Variants in STX17 observed in about 807,000 individuals in gnomAD.
STX17 encodes syntaxin 17, also known as syntaxin-17.
In STX17, 29 loss-of-function variants were observed where a neutral mutation model predicts 35.9. The observed-to-expected ratio is 0.81, with a 90% CI of 0.60 to 1.10. The LOEUF (loss-of-function observed/expected upper bound fraction) is 1.10. Ranked by LOEUF, STX17 falls within the 50% of genes least tolerant of loss-of-function variation. The pLI, the probability that STX17 is intolerant of heterozygous loss-of-function variation, is 0.00. For missense variants in STX17, 312 were observed against 352.3 expected (o/e 0.89, Z 0.92); for synonymous variants, 92 against 118.3 (o/e 0.78, Z 1.44).
intron 6 of STX17, among the ~76,000 whole-genome samples, chr9:99,961,895 G>T (rs973674623): frequency 4.6e-5 from 7 of 152,074 alleles, no homozygotes; most frequent in Admixed American, 6.5e-5. Context: ...TATTGCATTT[G>T]GAGGGTCTAA....
At chr9:99,952,956 A>T (rs1409878204) in intron 4 of STX17, among the ~76,000 whole-genome samples, 1 of 152,056 alleles carries the variant, frequency 6.6e-6, no homozygotes, top group Non-Finnish European at 1.5e-5. Flanking sequence ...GCAGCACACC[A>T]GCATGGCACA....
At chr9:99,967,526 A>T in intron 6 of STX17, 127 bp from the exon 7 acceptor site, 1 of 522,736 alleles carries the variant, frequency 1.9e-6, no homozygotes, top group Non-Finnish European at 3.3e-6. Context: ...AGATGCTATT[A>T]ATGAACCACT....
At chr9:99,953,986 C>G (rs1003481427) in intron 4 of STX17, 1 of 151,930 alleles carries the variant, frequency 6.6e-6, no homozygotes, top group Non-Finnish European at 1.5e-5. Context: ...AATTAACTTT[C>G]TCCATAGGAA....
At chr9:99,958,143 C>G (rs1829751470) in intron 4 of STX17, among the ~76,000 whole-genome samples, 1 of 152,158 alleles carries the variant, frequency 6.6e-6, no homozygotes, top group African/African-American at 2.4e-5. Flanking sequence ...TCACAGTCAG[C>G]TATACTGAAC....
At chr9:99,966,689 T>G (rs1309962214) in intron 6 of STX17, among the ~76,000 whole-genome samples, 1 of 152,238 alleles carries the variant, frequency 6.6e-6, no homozygotes, top group Admixed American at 6.5e-5. Flanking sequence ...GTTTATACAT[T>G]TGTGATAGTT....
At chr9:99,930,164 G>A (rs970566393) in intron 3 of STX17, among the ~76,000 whole-genome samples, 1 of 151,926 alleles carries the variant, frequency 6.6e-6, no homozygotes, top group Non-Finnish European at 1.5e-5. Flanking sequence ...GCCTGCCTTG[G>A]CCTCCCATAG....
At chr9:99,925,307 C>T (rs900537670) in intron 2 of STX17, among the ~76,000 whole-genome samples, 1 of 152,050 alleles carries the variant, frequency 6.6e-6, no homozygotes, top group Non-Finnish European at 1.5e-5. Context: ...GGTTGCTATA[C>T]ATTTTACTTC....
intron 4 of STX17, chr9:99,953,900 C>T (rs547229303): frequency 7.4e-4 from 113 of 152,066 alleles, no homozygotes; most frequent in African/African-American, 2.5e-3. Flanking sequence ...GGATCAACAA[C>T]TTTGGGCTTA....
chr9:99,940,770 C>T lies in STX17; in HGVS notation c.190-10290C>T, dbSNP rs531276401. ...TGCCGGGATTACAGGCGTGAGCCAC[C>T]GCACCCGGCCTAGAATTTTACTTTT... is the stretch of plus-strand genomic sequence containing the variant. On this transcript the variant is annotated intron_variant, in intron 3 of 7. Coordinates refer to ENST00000259400, the MANE Select transcript of STX17 (RefSeq NM_017919.3). Among the ~76,000 whole-genome samples the T allele has an allele frequency of 5.6e-4, 85 of 152,226 alleles. 1 individual carries two copies. Among genetic ancestry groups the T allele is most frequent in the Non-Finnish European group, 1.1e-3 (72 of 67,994 alleles).
chr9:99,968,415 A>ATTTT lies in STX17; in HGVS notation c.670-8_670-5dup. The ATTTT allele has an allele frequency of 7.4e-7, 1 of 1,348,184 alleles. No homozygotes were observed. Among genetic ancestry groups the ATTTT allele is most frequent in the South Asian group, 1.6e-5 (1 of 62,734 alleles). 83.5% of individuals were successfully genotyped at this position (1,348,184 alleles called of 1,614,324 possible). The stretch of plus-strand genomic sequence containing the variant: ...ATTCTCAACTCAGTTTCTAAATTGA[A>ATTTT]TTTTTTTTTTTTTTACAGGCTGCAA... On this transcript the variant is annotated intron_variant, in intron 7 of 7. Transcript: ENST00000259400.
rs1829986192 is a variant in STX17 at position 99,969,680 on chromosome 9, A to G, written c.*1007A>G. ...TTGAGGGGTGATATATCTGCCAGATAGGGGGTATCTGACCCAGTCTTCTTT... is the reference window on the plus strand; with the variant it reads ...TTGAGGGGTGATATATCTGCCAGATGGGGGGTATCTGACCCAGTCTTCTTT... On this transcript the variant is annotated 3_prime_UTR_variant, in exon 8 of 8. Transcript: ENST00000259400. 1 of 152,304 alleles carries G rather than the reference A, an allele frequency of 6.6e-6. No homozygotes were observed. Among genetic ancestry groups the G allele is most frequent in the Admixed American group, 6.6e-5 (1 of 15,222 alleles). The allele number at this position is 152,304 out of a possible 1,614,324, so 9.4% of individuals were successfully genotyped here.
In STX17 at chr9:99,971,255, C is replaced by T. The variant is rs1830010495; in HGVS notation, c.*2582C>T. Among the ~76,000 whole-genome samples, 1 of 150,572 alleles carries T rather than the reference C, an allele frequency of 6.6e-6. No individual in the cohort carries two copies. The highest frequency in any genetic ancestry group is 2.4e-5 in the African/African-American group (1 of 40,906). On this transcript the variant is annotated 3_prime_UTR_variant, in exon 8 of 8. Transcript: ENST00000259400. ...TGATTAATGTCTTAAAATTTGTGGG[C>T]CCTCATTTGGATAAAGGCAGCAATC...
In STX17 at chr9:99,963,359, C is replaced by T. The variant is rs534423322; in HGVS notation, c.582+3204C>T. On this transcript the variant is annotated intron_variant, in intron 6 of 7. Coordinates refer to ENST00000259400, the MANE Select transcript of STX17 (RefSeq NM_017919.3). ...CTGGGCCAGTAGTTCAGTAACAACT[C>T]ACCCTTGCTGCTAGTCTGTTTTGAC... Among the ~76,000 whole-genome samples, 5 of 152,294 alleles carry T rather than the reference C, an allele frequency of 3.3e-5. No individual in the cohort carries two copies. The South Asian group carries it at 8.3e-4, about 25-fold the overall frequency.
At chr9:99,962,787 A>G (rs1456554338) in intron 6 of STX17, among the ~76,000 whole-genome samples, 1 of 152,186 alleles carries the variant, frequency 6.6e-6, no homozygotes, top group Non-Finnish European at 1.5e-5. Context: ...GCTAATAAGC[A>G]AAAGCTCAAA....
intron 3 of STX17, chr9:99,945,832 A>G: frequency 7.1e-6 from 2 of 283,352 alleles, no homozygotes; most frequent in South Asian, 6.0e-5. Flanking sequence ...CTGTAATCCC[A>G]GCACTTTGGG....
At chr9:99,917,171 T>C (rs893680015) in intron 2 of STX17, among the ~76,000 whole-genome samples, 5 of 152,242 alleles carry the variant, frequency 3.3e-5, no homozygotes, top group Middle Eastern at 3.2e-3. Flanking sequence ...GATATCATCT[T>C]AAGCCAAACA....
chr9:99,930,703 C>G (rs1206374210), intron 3 of STX17, among the ~76,000 whole-genome samples: 1 of 152,058 alleles, frequency 6.6e-6, no homozygotes, highest in African/African-American at 2.4e-5. Context: ...CTCTATTTTC[C>G]TAGGTATTAT....
Position 99,974,352 on chromosome 9 carries a change from C to G in STX17, c.*5679C>G, listed in dbSNP as rs1830066533. On this transcript the variant is annotated 3_prime_UTR_variant, in exon 8 of 8. Coordinates refer to ENST00000259400, the MANE Select transcript of STX17 (RefSeq NM_017919.3). Reference sequence around the variant, plus strand: ...TACTTGGGTTTCGTTAACTAAACCCCCTAAAGATGTTTTCCATTTTATTGT... The same window carrying G: ...TACTTGGGTTTCGTTAACTAAACCCGCTAAAGATGTTTTCCATTTTATTGT... Among the ~76,000 whole-genome samples the G allele has an allele frequency of 6.6e-6, 1 of 152,018 alleles. No individual in the cohort carries two copies. Among genetic ancestry groups the G allele is most frequent in the Admixed American group, 6.6e-5 (1 of 15,252 alleles).
At chr9:99,957,688 T>G (rs1829737543) in intron 4 of STX17, among the ~76,000 whole-genome samples, 1 of 150,874 alleles carries the variant, frequency 6.6e-6, no homozygotes, top group African/African-American at 2.4e-5. Context: ...AGGGTCTCGC[T>G]CTGTTGCCCA....
Sources: gnomAD v4.1 joint callset for allele counts (sites outside exome capture counted in the v4.1 genomes callset) on GRCh38, gnomAD v4.1.1 for gene constraint, MANE v1.5 for transcripts, NCBI Gene and HGNC (gene_info 2026-07-23, HGNC 2026-07-21) for gene names.